EPB41L2: variants seen among roughly 807,000 people sequenced by gnomAD.
EPB41L2 encodes the protein erythrocyte membrane protein band 4.1 like 2.
A neutral mutation model predicts 113.0 loss-of-function variants in EPB41L2; 43 were observed. The observed-to-expected ratio is 0.38, with a 90% CI of 0.30 to 0.49. EPB41L2 has a LOEUF of 0.49. Among genes scored for constraint, EPB41L2 ranks in the 20% least tolerant of loss-of-function variants. The pLI is 0.95. For synonymous variants in EPB41L2, 442 were observed against 436.7 expected (o/e 1.01, Z -0.15); for missense variants, 1,147 against 1,223.4 (o/e 0.94, Z 0.93).
chr6:130,863,377 G>A (rs1049929408), intron 18 of EPB41L2, among the ~76,000 whole-genome samples: 1 of 152,128 alleles, frequency 6.6e-6, no homozygotes, highest in African/African-American at 2.4e-5. Flanking sequence ...CGAATCTTAT[G>A]TTTTCCAGAA....
chr6:130,985,670 C>T (rs1398835384), intron 1 of EPB41L2, among the ~76,000 whole-genome samples: 1 of 152,140 alleles, frequency 6.6e-6, no homozygotes, highest in African/African-American at 2.4e-5. Flanking sequence ...TGACCACTGT[C>T]ACTGGATCAG....
chr6:130,852,412 C>T (rs1779030937), intron 19 of EPB41L2, among the ~76,000 whole-genome samples: 1 of 152,168 alleles, frequency 6.6e-6, no homozygotes, highest in South Asian at 2.1e-4. Context: ...GTTGGTCTCT[C>T]CGGCAGTACC....
intron 1 of EPB41L2, among the ~76,000 whole-genome samples, chr6:130,957,439 A>G (rs1309604196): frequency 6.6e-6 from 1 of 152,228 alleles, no homozygotes; most frequent in Non-Finnish European, 1.5e-5. Context: ...TCCCTTGCCA[A>G]TAATAAGTGC....
At chr6:130,861,138 T>C (rs7739379) in intron 18 of EPB41L2, among the ~76,000 whole-genome samples, 49,673 of 151,822 alleles carry the variant, frequency 0.33, 8,772 homozygotes, top group East Asian at 0.45. Flanking sequence ...AGTGGCGCCA[T>C]CTCCGCTCAC....
intron 19 of EPB41L2, among the ~76,000 whole-genome samples, chr6:130,857,549 CTTTTTTTTT>C (rs10557309): frequency 2.7e-5 from 2 of 72,846 alleles, no homozygotes; most frequent in African/African-American, 5.8e-5. Context: ...TCAGATGTAT[CTTTTTTTTT>C]TTTTTTTTTT....
chr6:131,053,948 G>A (rs1306759853), intron 1 of EPB41L2, among the ~76,000 whole-genome samples: 2 of 152,220 alleles, frequency 1.3e-5, no homozygotes, highest in Admixed American at 6.5e-5. Flanking sequence ...TGGCCAGCAT[G>A]GCCACAAACA....
intron 12 of EPB41L2, chr6:130,882,403 T>A (rs1789603810): frequency 6.6e-6 from 1 of 152,634 alleles, no homozygotes; most frequent in Admixed American, 6.5e-5. Flanking sequence ...GGTACTACTA[T>A]GTTGAGGGTA....
intron 1 of EPB41L2, among the ~76,000 whole-genome samples, chr6:130,975,213 T>C (rs1223904878): frequency 2.0e-5 from 3 of 152,222 alleles, no homozygotes; most frequent in Admixed American, 6.5e-5. Context: ...ATCTATTACA[T>C]GTATTTTGAG....
intron 1 of EPB41L2, among the ~76,000 whole-genome samples, chr6:131,015,079 C>T (rs772769805): frequency 4.6e-5 from 7 of 152,172 alleles, no homozygotes; most frequent in Non-Finnish European, 7.3e-5. Context: ...TGTAAACATG[C>T]TTTCATTCCC....
At chr6:130,853,916 C>T (rs1047867721) in intron 19 of EPB41L2, among the ~76,000 whole-genome samples, 5 of 152,154 alleles carry the variant, frequency 3.3e-5, no homozygotes, top group African/African-American at 4.8e-5. Context: ...CAGACAGTAG[C>T]TGAAGCAGTG....
intron 1 of EPB41L2, among the ~76,000 whole-genome samples, chr6:131,006,693 A>T (rs1000996518): frequency 5.9e-5 from 9 of 151,864 alleles, no homozygotes; most frequent in African/African-American, 2.2e-4. Context: ...ATTCATTACA[A>T]GTTCCATGAG....
intron 1 of EPB41L2, among the ~76,000 whole-genome samples, chr6:130,967,893 T>C (rs1775738306): frequency 6.6e-6 from 1 of 152,124 alleles, no homozygotes; most frequent in Non-Finnish European, 1.5e-5. Flanking sequence ...CCCCTATTAA[T>C]GCTCTATAGA....
At chr6:131,059,108 C>T (rs905632847) in intron 1 of EPB41L2, among the ~76,000 whole-genome samples, 1 of 109,834 alleles carries the variant, frequency 9.1e-6, no homozygotes, top group Non-Finnish European at 1.9e-5. Flanking sequence ...CTTGGCTTAC[C>T]TATAACTTTT....
chr6:130,880,090 C>A, intron 13 of EPB41L2, 54 bp downstream of exon 13: 2 of 1,386,384 alleles, frequency 1.4e-6, no homozygotes, highest in South Asian at 2.4e-5. Flanking sequence ...GACCTCCCGT[C>A]CACAGCAGCC....
chr6:131,023,237 T>C (rs1789931697), intron 1 of EPB41L2, among the ~76,000 whole-genome samples: 1 of 152,210 alleles, frequency 6.6e-6, no homozygotes, highest in Non-Finnish European at 1.5e-5. Context: ...GACTTTATTA[T>C]TTCATCTGCT....
At chr6:131,054,919 G>A (rs1404058771) in intron 1 of EPB41L2, among the ~76,000 whole-genome samples, 2 of 152,190 alleles carry the variant, frequency 1.3e-5, no homozygotes, top group Non-Finnish European at 2.9e-5. Flanking sequence ...GTTACTAACA[G>A]GCTTCAGATG....
chr6:130,950,726 G>A (rs1372175790), intron 3 of EPB41L2, among the ~76,000 whole-genome samples: 3 of 152,006 alleles, frequency 2.0e-5, no homozygotes, highest in East Asian at 1.9e-4. Flanking sequence ...AAGACAATTC[G>A]ATAAAAGAAA....
chr6:130,956,224 ATGACT>A lies in EPB41L2; in HGVS notation c.257_261del (p.Lys86IlefsTer12), dbSNP rs1443619972. On this transcript the variant is annotated frameshift_variant, in exon 2 of 20. Coordinates refer to ENST00000337057, the MANE Select transcript of EPB41L2 (RefSeq NM_001431.4). LOFTEE classifies it high-confidence loss of function. ...CCATCTTTGGCCACTACTAAGGTAT[ATGACT>A]TTTGCTTCTTAAGCCATGGCGGTAT... The A allele has an allele frequency of 6.2e-7, 1 of 1,613,968 alleles. No individual in the cohort carries two copies. Among genetic ancestry groups the A allele is most frequent in the African/African-American group, 1.3e-5 (1 of 74,878 alleles).
chr6:130,872,244 G>T, intron 14 of EPB41L2: 1 of 681,876 alleles, frequency 1.5e-6, no homozygotes, highest in Non-Finnish European at 2.0e-6. Context: ...TTTCTTGAAT[G>T]TTTCTCCCAG....
Sources: allele counts gnomAD v4.1 joint callset (sites outside exome capture counted in the v4.1 genomes callset), GRCh38; gene constraint gnomAD v4.1.1; transcripts MANE v1.5; gene names NCBI Gene and HGNC (gene_info 2026-07-23, HGNC 2026-07-21).